MCF2L2: variants seen among roughly 807,000 people sequenced by gnomAD.
The protein encoded by MCF2L2 is MCF.2 cell line derived transforming sequence-like 2.
A neutral mutation model predicts 150.2 loss-of-function variants in MCF2L2; 102 were observed. That is an observed-to-expected ratio of 0.68 (90% CI 0.58 to 0.80). The LOEUF is 0.80. Ranked by LOEUF, MCF2L2 falls within the 30% of genes least tolerant of loss-of-function variation. MCF2L2 has a pLI of 0.00. For missense variants in MCF2L2, 1,256 were observed against 1,372.8 expected (o/e 0.91, Z 1.34); for synonymous variants, 465 against 491.3 (o/e 0.95, Z 0.71).
At chr3:183,387,968 C>A (rs1316340187) in intron 2 of MCF2L2, among the ~76,000 whole-genome samples, 1 of 149,658 alleles carries the variant, frequency 6.7e-6, no homozygotes, top group East Asian at 1.9e-4. Context: ...GTTACAATAA[C>A]CCCATCATAC....
At chr3:183,330,635 T>C (rs1730234647) in intron 5 of MCF2L2, among the ~76,000 whole-genome samples, 2 of 152,136 alleles carry the variant, frequency 1.3e-5, no homozygotes, top group African/African-American at 4.8e-5. Context: ...CCAAAGAGAG[T>C]GAATTTTACC....
chr3:183,300,250 G>A, intron 10 of MCF2L2, 54 bp from the exon 11 acceptor site: 1 of 1,495,464 alleles, frequency 6.7e-7, no homozygotes, highest in East Asian at 2.3e-5. Flanking sequence ...TCATGAGGCT[G>A]AGAGCTGCCT....
chr3:183,209,083 AC>A (rs1399537234), intron 22 of MCF2L2, among the ~76,000 whole-genome samples: 1 of 152,206 alleles, frequency 6.6e-6, no homozygotes, highest in Non-Finnish European at 1.5e-5. Flanking sequence ...TTAACAGTTC[AC>A]CACATTCCAA....
chr3:183,180,286 C>T (rs1422011587), intron 27 of MCF2L2, 127 bp from the exon 28 acceptor site: 3 of 695,070 alleles, frequency 4.3e-6, no homozygotes, highest in Non-Finnish European at 5.2e-6. Context: ...TCCTGCTCTC[C>T]AAGGGCCTGC....
intron 1 of MCF2L2, among the ~76,000 whole-genome samples, chr3:183,417,734 CGAAACTGGGT>C (rs1452981810): frequency 2.0e-5 from 3 of 152,044 alleles, no homozygotes; most frequent in African/African-American, 7.3e-5. Flanking sequence ...AGATACTACC[CGAAACTGGGT>C]AATTTATAAA....
chr3:183,307,356 G>A (rs948657233), intron 10 of MCF2L2, among the ~76,000 whole-genome samples: 1 of 152,256 alleles, frequency 6.6e-6, no homozygotes, highest in African/African-American at 2.4e-5. Context: ...TCTGAGGGAA[G>A]ATATATTGAA....
intron 27 of MCF2L2, among the ~76,000 whole-genome samples, chr3:183,187,504 C>G (rs975882280): frequency 1.3e-5 from 2 of 151,946 alleles, no homozygotes; most frequent in African/African-American, 4.8e-5. Flanking sequence ...GAGTCTTGCT[C>G]TGTTTCCAGG....
At chr3:183,338,691 T>G in intron 5 of MCF2L2, 109 bp downstream of exon 5, 1 of 1,178,018 alleles carries the variant, frequency 8.5e-7, no homozygotes, top group South Asian at 1.9e-5. Context: ...CAGAGAACCC[T>G]TTTCTCCCTC....
At chr3:183,186,712 A>G (rs1241028319) in intron 27 of MCF2L2, among the ~76,000 whole-genome samples, 2 of 152,132 alleles carry the variant, frequency 1.3e-5, no homozygotes, top group Admixed American at 6.5e-5. Context: ...GGGCAACAAG[A>G]GTGAAACTCC....
At chr3:183,330,260 AAAAG>A (rs1433353955) in intron 5 of MCF2L2, among the ~76,000 whole-genome samples, 26 of 151,438 alleles carry the variant, frequency 1.7e-4, no homozygotes, top group East Asian at 9.7e-4. Flanking sequence ...AAAAAAAAAA[AAAAG>A]AAGAAGAAAA....
chr3:183,367,203 A>G (rs573622393), intron 3 of MCF2L2, among the ~76,000 whole-genome samples: 2 of 151,912 alleles, frequency 1.3e-5, no homozygotes, highest in South Asian at 2.1e-4. Flanking sequence ...ATGCATTTTA[A>G]TGATTTCTTT....
rs528975027 is a variant in MCF2L2 at position 183,409,375 on chromosome 3, T to G, written c.76+18527A>C. On this transcript the variant is annotated intron_variant, in intron 1 of 29. Transcript: ENST00000328913. ...AAAGCCAGCCAGACCTGACTTTTGA[T>G]TCTGACGTTTCCTCTTGCTATGACC... Among the ~76,000 whole-genome samples, 258 of 152,302 alleles carry G rather than the reference T, an allele frequency of 1.7e-3. 4 individuals are homozygous for G. The highest frequency in any genetic ancestry group is 1.4e-3 in the Non-Finnish European group (96 of 68,026).
At chr3:183,343,524 C>G (rs1335148733) in intron 3 of MCF2L2, among the ~76,000 whole-genome samples, 3 of 152,032 alleles carry the variant, frequency 2.0e-5, no homozygotes, top group Admixed American at 6.6e-5. Context: ...GTGCCCACCA[C>G]CACACCCGGC....
intron 3 of MCF2L2, among the ~76,000 whole-genome samples, chr3:183,360,361 A>G (rs1157256217): frequency 6.6e-6 from 1 of 152,138 alleles, no homozygotes; most frequent in East Asian, 1.9e-4. Context: ...TGAGCCCAGG[A>G]GTTCATGATC....
intron 15 of MCF2L2, among the ~76,000 whole-genome samples, chr3:183,233,093 GT>G (rs1388797513): frequency 6.6e-6 from 1 of 152,218 alleles, no homozygotes; most frequent in Admixed American, 6.5e-5. Context: ...GTTCACCCCT[GT>G]AATCCCAGCA....
chr3:183,403,453 G>A (rs1243570567), intron 1 of MCF2L2, among the ~76,000 whole-genome samples: 2 of 152,334 alleles, frequency 1.3e-5, no homozygotes, highest in South Asian at 4.1e-4. Flanking sequence ...TTTGTGGAGG[G>A]AACATGGGGG....
chr3:183,427,792 A>T, intron 1 of MCF2L2, 110 bp downstream of exon 1: 1 of 923,060 alleles, frequency 1.1e-6, no homozygotes, highest in Non-Finnish European at 1.7e-6. Flanking sequence ...GCAACCCCCC[A>T]GGAAGCGCGC....
In MCF2L2 at chr3:183,427,917, C is replaced by T; in HGVS notation, c.61G>A (p.Val21Met). The change falls in exon 1 of 30, where the codon GTG (valine) becomes ATG (methionine). Residue 21 changes from valine to methionine, a missense_variant. Transcript: ENST00000328913. The stretch of plus-strand genomic sequence containing the variant: ...CTTCGTTTACCGACATGAGTGATCA[C>T]TGTGGCCAGTCGCCGGGTGAGCTCC... ...PQELTRRLATVITHVDEIMQQ... is the reference protein window; with the variant it reads ...PQELTRRLATMITHVDEIMQQ... 2 of 1,614,116 alleles carry T rather than the reference C, an allele frequency of 1.2e-6. No individual in the cohort carries two copies. The highest frequency in any genetic ancestry group is 1.7e-6 in the Non-Finnish European group (2 of 1,179,938).
chr3:183,183,171 T>C (rs981519083), intron 27 of MCF2L2, among the ~76,000 whole-genome samples: 1 of 152,090 alleles, frequency 6.6e-6, no homozygotes, highest in African/African-American at 2.4e-5. Context: ...AATTTTTGTA[T>C]TTTTTGGTAG....
Sources: allele counts gnomAD v4.1 joint callset (sites outside exome capture counted in the v4.1 genomes callset), GRCh38; gene constraint gnomAD v4.1.1; transcripts MANE v1.5; gene names NCBI Gene and HGNC (gene_info 2026-07-23, HGNC 2026-07-21).